The following DMAC2L variants were observed in gnomAD, a reference collection of about 807,000 sequenced individuals.
The protein encoded by DMAC2L is ATP synthase subunit s, mitochondrial.
DMAC2L carries 21 observed loss-of-function variants against 22.5 expected under a neutral mutation model. That is an observed-to-expected ratio of 0.93 (90% CI 0.66 to 1.34). The LOEUF (loss-of-function observed/expected upper bound fraction) is 1.34. Ranked by LOEUF, DMAC2L falls within the 40% of genes most tolerant of loss-of-function variation. The pLI, the probability that DMAC2L is intolerant of heterozygous loss-of-function variation, is 0.00. For missense variants in DMAC2L, 239 were observed against 246.5 expected, an observed-to-expected ratio of 0.97 and a Z score of 0.20; for synonymous variants, 86 against 89.5, an observed-to-expected ratio of 0.96 and a Z score of 0.22.
Position 50,321,563 on chromosome 14 carries a change from T to C in DMAC2L, c.76T>C (p.Phe26Leu). Residue 26 changes from phenylalanine (F) to leucine (L), a missense_variant, in exon 3 of 6, where the codon TTC (phenylalanine) becomes CTC (leucine). Coordinates refer to ENST00000557421, the MANE Select transcript of DMAC2L (RefSeq NM_001382507.1). ...CCCATGGTCATGTGACTCCAGATAC[T>C]TCTGGGGCTGGTTGAATGCAGTGTT... Reference protein sequence around the residue: ...KLPWSCDSRYFWGWLNAVFNK... With the variant: ...KLPWSCDSRYLWGWLNAVFNK... 2.5e-6 allele frequency: 4 copies of C among 1,613,872 alleles called. No individual in the cohort carries two copies. The highest frequency in any genetic ancestry group is 3.4e-6 in the Non-Finnish European group (4 of 1,179,762).
At chr14:50,312,300 T>C (rs1360215305), upstream of DMAC2L, 1 of 1,181,260 alleles carries the variant, frequency 8.5e-7, no homozygotes, top group South Asian at 1.4e-5. Context: ...CGGTGGCCAA[T>C]AGGCGCGCGC....
At chr14:50,322,789 T>G (rs765195838) in intron 4 of DMAC2L, 70 bp downstream of exon 4, 1 of 1,605,770 alleles carries the variant, frequency 6.2e-7, no homozygotes, top group Non-Finnish European at 8.5e-7. Flanking sequence ...TGCAGTTGAC[T>G]CACGATTATA....
intron 1 of DMAC2L, chr14:50,312,629 C>CCCG (rs2031340036): frequency 7.8e-6 from 2 of 257,042 alleles, no homozygotes; most frequent in Non-Finnish European, 1.5e-5. Context: ...GCCCCGCCCC[C>CCCG]GCCCCGCCCC....
Position 50,327,268 on chromosome 14 carries a change from G to A in DMAC2L, c.*1545G>A, listed in dbSNP as rs942215581. The A allele has an allele frequency of 2.0e-5, 3 of 150,920 alleles. No homozygotes were observed. The highest frequency in any genetic ancestry group is 4.0e-4 in the East Asian group (2 of 5,048). The allele number at this position is 150,920 out of a possible 1,614,324, so 9.3% of individuals were successfully genotyped here. ...GAGGATCAGTTGAGCCCGGGAAGTC[G>A]AGGCTGCAGTGAGCCATGTTGGCAC... On this transcript the variant is annotated 3_prime_UTR_variant, in exon 6 of 6. Coordinates refer to ENST00000557421, the MANE Select transcript of DMAC2L (RefSeq NM_001382507.1).
chr14:50,322,490 C>CTTTT, intron 3 of DMAC2L, 21 bp from the exon 4 acceptor site: 1 of 1,578,506 alleles, frequency 6.3e-7, no homozygotes, highest in East Asian at 2.3e-5. Flanking sequence ...AAGCAAACTG[C>CTTTT]TTTTTTTCTC....
At chr14:50,312,490 T>C in intron 1 of DMAC2L, 101 bp downstream of exon 1, 2 of 402,038 alleles carry the variant, frequency 5.0e-6, no homozygotes, top group Non-Finnish European at 9.1e-6. Context: ...AACCTGGCCC[T>C]TTGGGTCGCG....
At chr14:50,322,389 T>C in intron 3 of DMAC2L, 122 bp from the exon 4 acceptor site, 1 of 1,115,766 alleles carries the variant, frequency 9.0e-7, no homozygotes, top group Non-Finnish European at 1.2e-6. Context: ...CACTAATTTA[T>C]CTTCCTCGTC....
chr14:50,317,979 C>T (rs939759855), intron 2 of DMAC2L, among the ~76,000 whole-genome samples: 3 of 152,086 alleles, frequency 2.0e-5, no homozygotes, highest in Non-Finnish European at 4.4e-5. Flanking sequence ...TTGTCAAATG[C>T]TTTTTCTGCA....
chr14:50,317,481 G>A (rs1180378840), intron 2 of DMAC2L, among the ~76,000 whole-genome samples: 1 of 152,140 alleles, frequency 6.6e-6, no homozygotes, highest in African/African-American at 2.4e-5. Flanking sequence ...GAAGTGATGA[G>A]AGTGGGGCTG....
In DMAC2L at chr14:50,321,761, C is replaced by T. The variant is rs138163984; in HGVS notation, c.107+167C>T. ...AAACATGGAAAAAACACCAGAAAAACAGATTACAAAATATTAATTGTGGCT... is the reference window on the plus strand; with the variant it reads ...AAACATGGAAAAAACACCAGAAAAATAGATTACAAAATATTAATTGTGGCT... On this transcript the variant is annotated intron_variant, in intron 3 of 5. Transcript: ENST00000557421. 3.1e-3 allele frequency among the ~76,000 whole-genome samples: 479 copies of T among 152,282 alleles called. 2 individuals are homozygous for T. The highest frequency in any genetic ancestry group is 5.9e-3 in the Non-Finnish European group (399 of 67,996).
Position 50,321,595 on chromosome 14 carries a change from G to A in DMAC2L, c.107+1G>A. The A allele has an allele frequency of 1.2e-6, 2 of 1,601,864 alleles. No individual in the cohort carries two copies. The highest frequency in any genetic ancestry group is 1.7e-6 in the Non-Finnish European group (2 of 1,169,176). On this transcript the variant is annotated splice_donor_variant, in intron 3 of 5. Coordinates refer to ENST00000557421, the MANE Select transcript of DMAC2L (RefSeq NM_001382507.1). LOFTEE classifies it high-confidence loss of function. ...GCTGGTTGAATGCAGTGTTTAATAA[G>A]TAAGTTACTCTAAATAAAGTGAAGA...
chr14:50,325,092 A>T (rs1432075087), intron 5 of DMAC2L, among the ~76,000 whole-genome samples: 2 of 151,776 alleles, frequency 1.3e-5, no homozygotes, highest in Non-Finnish European at 2.9e-5. Flanking sequence ...TGTTTAATCA[A>T]ATCCCTGTGT....
rs2032498139 is a variant in DMAC2L, at chr14:50,323,885, C to G, written c.317-60C>G. ...AAAACCAAGTCAGTCGTGGGCAAAC[C>G]AGGACAGTTTGTCATCTTAGTGGTA... On this transcript the variant is annotated intron_variant, in intron 4 of 5. Coordinates refer to ENST00000557421, the MANE Select transcript of DMAC2L (RefSeq NM_001382507.1). The G allele has an allele frequency of 4.1e-6, 6 of 1,448,246 alleles. 1 individual carries two copies. The East Asian group carries it at 1.4e-4, about 33-fold the overall frequency. 89.7% of individuals were successfully genotyped at this position (1,448,246 alleles called of 1,614,324 possible). A position where few individuals can be genotyped will look rare whatever the true frequency, so the allele number is the denominator to read the frequency against.
At position 50,321,614 on chromosome 14, in the gene DMAC2L, G is replaced by A. The variant is rs772270671; in HGVS notation, c.107+20G>A. 1.3e-6 allele frequency: 2 copies of A among 1,544,120 alleles called. No homozygotes were observed. Among genetic ancestry groups the A allele is most frequent in the Non-Finnish European group, 1.8e-6 (2 of 1,117,322 alleles). On this transcript the variant is annotated intron_variant, in intron 3 of 5. Coordinates refer to ENST00000557421, the MANE Select transcript of DMAC2L (RefSeq NM_001382507.1). ...TAATAAGTAAGTTACTCTAAATAAA[G>A]TGAAGAAATGTGGAGATGGTTACAG...
rs759633529 is a variant in DMAC2L at position 50,321,507 on chromosome 14, T to C, written c.20T>C (p.Ile7Thr). The C allele has an allele frequency of 1.2e-6, 2 of 1,614,010 alleles. No homozygotes were observed. The highest frequency in any genetic ancestry group is 2.2e-5 in the South Asian group (2 of 91,086). The change falls in exon 3 of 6, where the codon ATT becomes ACT. Residue 7 changes from isoleucine (I) to threonine (T), a missense_variant. Coordinates refer to ENST00000557421, the MANE Select transcript of DMAC2L (RefSeq NM_001382507.1). ...GATCAAATGATGCCGTTTGGAAAAA[T>C]TTCCCAGCAGTTGTGTGGCGTAAAG... MMPFGK[I>T]SQQLCGVKKL...
In DMAC2L at chr14:50,325,897, C is replaced by T; in HGVS notation, c.*174C>T. On this transcript the variant is annotated 3_prime_UTR_variant, in exon 6 of 6. Transcript: ENST00000557421. ...ATTCAGACGTGGCTCATTAATGTTACTAAGTTGGAAGTGAGAATTTATGAA... is the reference window on the plus strand; with the variant it reads ...ATTCAGACGTGGCTCATTAATGTTATTAAGTTGGAAGTGAGAATTTATGAA... 1 of 1,261,946 alleles carries T rather than the reference C, an allele frequency of 7.9e-7. No individual in the cohort carries two copies. The highest frequency in any genetic ancestry group is 1.0e-6 in the Non-Finnish European group (1 of 999,596). The allele number at this position is 1,261,946 out of a possible 1,614,324, so 78.2% of individuals were successfully genotyped here.
At chr14:50,322,813 C>A in intron 4 of DMAC2L, 94 bp downstream of exon 4, 1 of 1,568,366 alleles carries the variant, frequency 6.4e-7, no homozygotes, top group South Asian at 1.1e-5. Context: ...ATAGGTATGT[C>A]CTTTTTGCCC....
intron 4 of DMAC2L, 98 bp from the exon 5 acceptor site, chr14:50,323,847 G>A: frequency 1.0e-6 from 1 of 991,090 alleles, no homozygotes; most frequent in South Asian, 1.6e-5. Context: ...CAGGACATAG[G>A]ACTTTCAGTC....
intron 2 of DMAC2L, chr14:50,319,259 C>T (rs570969452): frequency 2.0e-6 from 3 of 1,536,054 alleles, no homozygotes; most frequent in South Asian, 1.2e-5. Flanking sequence ...GGAGCAGAGG[C>T]TTGCAGTAAT....
Sources: allele counts gnomAD v4.1 joint callset (sites outside exome capture counted in the v4.1 genomes callset), GRCh38; gene constraint gnomAD v4.1.1; transcripts MANE v1.5; gene names NCBI Gene and HGNC (gene_info 2026-07-23, HGNC 2026-07-21).